The following GLYATL2 variants were observed in gnomAD, a reference collection of about 807,000 sequenced individuals.
GLYATL2 encodes glycine-N-acyltransferase like 2.
Under a neutral mutation model 21.4 loss-of-function variants are expected in GLYATL2, and 25 were observed. That is an observed-to-expected ratio of 1.17 (90% CI 0.85 to 1.63). The LOEUF (loss-of-function observed/expected upper bound fraction) is 1.63. Ranked by LOEUF, GLYATL2 falls within the 40% of genes most tolerant of loss-of-function variation. GLYATL2 has a pLI of 0.00. For missense variants in GLYATL2, 361 were observed against 343.3 expected, an observed-to-expected ratio of 1.05 and a Z score of -0.41; for synonymous variants, 114 against 118.2, an observed-to-expected ratio of 0.96 and a Z score of 0.23.
At chr11:58,888,298 A>G (rs1185596333) in intron 1 of GLYATL2, among the ~76,000 whole-genome samples, 1 of 152,096 alleles carries the variant, frequency 6.6e-6, no homozygotes, top group African/African-American at 2.4e-5. Flanking sequence ...ACATGAAGAA[A>G]TTTTGAATTT....
chr11:58,890,581 C>T (rs1294957202), intron 1 of GLYATL2, among the ~76,000 whole-genome samples: 1 of 152,074 alleles, frequency 6.6e-6, no homozygotes, highest in Admixed American at 6.6e-5. Flanking sequence ...GTAGATATTT[C>T]ATTTAATTTC....
chr11:58,872,234 T>C (rs1854135903), intron 1 of GLYATL2, among the ~76,000 whole-genome samples: 1 of 152,180 alleles, frequency 6.6e-6, no homozygotes, highest in Non-Finnish European at 1.5e-5. Context: ...TTCTGTAGGT[T>C]GCCTGTTCAC....
At chr11:58,873,239 A>G (rs969218449) in intron 1 of GLYATL2, among the ~76,000 whole-genome samples, 7 of 151,620 alleles carry the variant, frequency 4.6e-5, no homozygotes, top group African/African-American at 1.7e-4. Flanking sequence ...AAACAGGGAC[A>G]ATTTGACTTC....
intron 5 of GLYATL2, 66 bp downstream of exon 5, chr11:58,836,949 G>C: frequency 7.1e-7 from 1 of 1,402,016 alleles, no homozygotes; most frequent in South Asian, 1.3e-5. Context: ...ACATTTCCAA[G>C]TACAGCCTTT....
intron 1 of GLYATL2, among the ~76,000 whole-genome samples, chr11:58,853,448 C>A (rs1016861070): frequency 4.6e-5 from 7 of 152,144 alleles, no homozygotes; most frequent in African/African-American, 1.4e-4. Context: ...AGAACTTGAG[C>A]ATGAGTGGAT....
intron 1 of GLYATL2, among the ~76,000 whole-genome samples, chr11:58,842,980 CT>C (rs1853580215): frequency 6.6e-6 from 1 of 152,048 alleles, no homozygotes; most frequent in Non-Finnish European, 1.5e-5. Flanking sequence ...TGTTTGGGTT[CT>C]TTATTTATAA....
At chr11:58,887,752 T>C (rs2134618810) in intron 1 of GLYATL2, among the ~76,000 whole-genome samples, 1 of 152,280 alleles carries the variant, frequency 6.6e-6, no homozygotes, top group African/African-American at 2.4e-5. Flanking sequence ...TGCTGTTGGG[T>C]TCAAATTGTT....
intron 2 of GLYATL2, 123 bp from the exon 3 acceptor site, chr11:58,838,491 G>T: frequency 1.7e-6 from 1 of 592,948 alleles, no homozygotes; most frequent in Non-Finnish European, 3.0e-6. Context: ...ACTTAGGATG[G>T]GCCAGTGCTT....
At chr11:58,879,792 T>C (rs1854299918) in intron 1 of GLYATL2, among the ~76,000 whole-genome samples, 1 of 152,098 alleles carries the variant, frequency 6.6e-6, no homozygotes, top group South Asian at 2.1e-4. Flanking sequence ...GTTGTGAATG[T>C]GAATTATACG....
intron 1 of GLYATL2, among the ~76,000 whole-genome samples, chr11:58,859,600 G>A (rs1565095949): frequency 2.0e-5 from 3 of 152,134 alleles, no homozygotes; most frequent in Admixed American, 1.3e-4. Context: ...TTCCTTTGCT[G>A]TATAGAAACT....
At chr11:58,905,552 A>G (rs990233194), upstream of GLYATL2, 4 of 456,152 alleles carry the variant, frequency 8.8e-6, no homozygotes, top group African/African-American at 2.0e-5. Flanking sequence ...ACCGCCAGGC[A>G]TCTCCCATAC....
intron 1 of GLYATL2, among the ~76,000 whole-genome samples, chr11:58,903,704 C>A (rs1367715913): frequency 6.6e-6 from 1 of 152,074 alleles, no homozygotes; most frequent in Non-Finnish European, 1.5e-5. Flanking sequence ...TAAAATAATT[C>A]TCAGTTAATG....
At chr11:58,905,575 C>A (rs1590761902), upstream of GLYATL2, 1 of 456,292 alleles carries the variant, frequency 2.2e-6, no homozygotes, top group Non-Finnish European at 4.4e-6. Context: ...ACCCGGCTGC[C>A]GCGCAACCCC....
Position 58,839,049 on chromosome 11 carries a change from G to A in GLYATL2, c.78+486C>T, listed in dbSNP as rs1374186318. ...GATGATATCATGCCTACTGAACTGT[G>A]AGGGGCTCAATATTTGTAGCAAGTG... On this transcript the variant is annotated intron_variant, in intron 2 of 5. Coordinates refer to ENST00000287275, the MANE Select transcript of GLYATL2 (RefSeq NM_145016.4). Among the ~76,000 whole-genome samples the A allele has an allele frequency of 2.6e-5, 4 of 152,254 alleles. 1 individual carries two copies. The South Asian group carries it at 6.2e-4, about 24-fold the overall frequency.
At chr11:58,905,388 C>T, upstream of GLYATL2, 1 of 442,860 alleles carries the variant, frequency 2.3e-6, no homozygotes, top group Non-Finnish European at 4.6e-6. Flanking sequence ...CCGCTGGATC[C>T]CGCCTGGATG....
At chr11:58,869,026 C>A (rs1043267642) in intron 1 of GLYATL2, among the ~76,000 whole-genome samples, 1 of 128,456 alleles carries the variant, frequency 7.8e-6, no homozygotes, top group Non-Finnish European at 1.8e-5. Flanking sequence ...TTGTGGGTAC[C>A]AGATGGTGGG....
intron 1 of GLYATL2, among the ~76,000 whole-genome samples, chr11:58,869,242 T>G (rs1357192704): frequency 6.6e-6 from 1 of 152,194 alleles, no homozygotes; most frequent in Non-Finnish European, 1.5e-5. Flanking sequence ...TAAACCGATA[T>G]TCTTTTATAA....
At chr11:58,862,069 A>C (rs1317467452) in intron 1 of GLYATL2, among the ~76,000 whole-genome samples, 2 of 126,276 alleles carry the variant, frequency 1.6e-5, no homozygotes, top group African/African-American at 5.6e-5. Context: ...ACAAAAAAAA[A>C]CAGATTTTGT....
At chr11:58,873,108 A>C (rs1355538784) in intron 1 of GLYATL2, among the ~76,000 whole-genome samples, 1 of 151,014 alleles carries the variant, frequency 6.6e-6, no homozygotes, top group East Asian at 1.9e-4. Flanking sequence ...GTGCATAAGA[A>C]TGCTTGTGAT....
Sources: gnomAD v4.1 joint callset for allele counts (sites outside exome capture counted in the v4.1 genomes callset) on GRCh38, gnomAD v4.1.1 for gene constraint, MANE v1.5 for transcripts, NCBI Gene and HGNC (gene_info 2026-07-23, HGNC 2026-07-21) for gene names.